Variants in JAK2 observed in about 807,000 individuals in gnomAD.
JAK2 encodes the protein tyrosine-protein kinase JAK2.
A neutral mutation model predicts 139.3 loss-of-function variants in JAK2; 86 were observed. The observed-to-expected ratio is 0.62, with a 90% CI of 0.52 to 0.74. The LOEUF (loss-of-function observed/expected upper bound fraction) is 0.74, where lower values mean the gene tolerates loss of function less well. Among genes scored for constraint, JAK2 ranks in the 30% least tolerant of loss-of-function variants. The pLI, the probability that JAK2 is intolerant of heterozygous loss-of-function variation, is 0.00. For synonymous variants in JAK2, 490 were observed against 437.7 expected (o/e 1.12, Z -1.49); for missense variants, 1,421 against 1,360.3 (o/e 1.04, Z -0.70).
At chr9:5,047,320 G>C (rs1256050869) in intron 5 of JAK2, among the ~76,000 whole-genome samples, 1 of 152,126 alleles carries the variant, frequency 6.6e-6, no homozygotes, top group African/African-American at 2.4e-5. Flanking sequence ...TGTCTTTAAA[G>C]TTCTTAAGAC....
At chr9:5,012,088 A>G (rs779102220) in intron 2 of JAK2, among the ~76,000 whole-genome samples, 2 of 152,090 alleles carry the variant, frequency 1.3e-5, no homozygotes, top group Non-Finnish European at 1.5e-5. Flanking sequence ...ACTGACTCCC[A>G]TTTTCCTGAG....
At chr9:5,114,648 C>T (rs1822978831) in intron 22 of JAK2, 2 of 463,656 alleles carry the variant, frequency 4.3e-6, no homozygotes, top group Middle Eastern at 1.3e-3. Context: ...CATGACGCAG[C>T]CCCGCAAAAC....
intron 2 of JAK2, among the ~76,000 whole-genome samples, chr9:4,991,891 G>A (rs931479626): frequency 6.6e-6 from 1 of 151,874 alleles, no homozygotes; most frequent in Non-Finnish European, 1.5e-5. Context: ...TCTTTTTCTT[G>A]CCTTCTCAAT....
Position 5,054,042 on chromosome 9 carries a change from GATCAC to G in JAK2, c.615-519_615-515del. On this transcript the variant is annotated intron_variant, in intron 6 of 24. Transcript: ENST00000381652. This position sits in a 1 kb window ranked among gnomAD's most constrained non-coding sequence, Gnocchi z 4.9. ...GAATATTTCTAAATGGAATTGTTTT[GATCAC>G]AAAGGAATTATTAGGAGTTGAAGCT... Among the ~76,000 whole-genome samples the G allele has an allele frequency of 1.3e-5, 2 of 152,076 alleles. No homozygotes were observed. The highest frequency in any genetic ancestry group is 4.1e-4 in the South Asian group (2 of 4,826).
At chr9:5,072,749 T>C in intron 13 of JAK2, 123 bp downstream of exon 13, 2 of 580,042 alleles carry the variant, frequency 3.4e-6, no homozygotes, top group Non-Finnish European at 5.4e-6. Flanking sequence ...GTCAAGGACT[T>C]TTCTGAGGAT....
intron 22 of JAK2, 130 bp downstream of exon 22, chr9:5,091,041 T>A (rs982040894): frequency 7.1e-6 from 5 of 707,004 alleles, no homozygotes; most frequent in Non-Finnish European, 1.1e-5. Flanking sequence ...AGTCTTACAT[T>A]TAACTTTTTT....
chr9:5,082,738 G>C (rs958918171), intron 19 of JAK2, among the ~76,000 whole-genome samples: 1 of 152,224 alleles, frequency 6.6e-6, no homozygotes, highest in Non-Finnish European at 1.5e-5. Flanking sequence ...GGTTTATTGA[G>C]ACTGGAGAAT....
intron 4 of JAK2, among the ~76,000 whole-genome samples, chr9:5,036,670 T>C (rs1425047662): frequency 1.3e-5 from 2 of 152,204 alleles, no homozygotes; most frequent in African/African-American, 4.8e-5. Context: ...TGTAGAAAGC[T>C]GAAACTGGAT....
Position 4,989,328 on chromosome 9 carries a change from T to C in JAK2, c.-26+3306T>C, listed in dbSNP as rs139541991. On this transcript the variant is annotated intron_variant, in intron 2 of 24. Coordinates refer to ENST00000381652, the MANE Select transcript of JAK2 (RefSeq NM_004972.4). Reference sequence around the variant, plus strand: ...CTCTATTTCTGTAGCTCTTTAGTCTTAGAACATTTTCACATGGTTTAATTA... The same window carrying C: ...CTCTATTTCTGTAGCTCTTTAGTCTCAGAACATTTTCACATGGTTTAATTA... Among the ~76,000 whole-genome samples, 491 of 152,326 alleles carry C rather than the reference T, an allele frequency of 3.2e-3. 1 individual carries two copies. The highest frequency in any genetic ancestry group is 0.011 in the African/African-American group (469 of 41,576).
At chr9:5,030,589 G>T (rs924715010) in intron 4 of JAK2, among the ~76,000 whole-genome samples, 2 of 151,990 alleles carry the variant, frequency 1.3e-5, no homozygotes, top group Non-Finnish European at 2.9e-5. Context: ...TTTATTCATG[G>T]TCACACAGGT....
intron 19 of JAK2, among the ~76,000 whole-genome samples, chr9:5,088,475 C>G (rs1820301638): frequency 6.6e-6 from 1 of 152,032 alleles, no homozygotes. Flanking sequence ...AATGTTATAG[C>G]AACTTACCAA....
rs1586728986 is a variant in JAK2, at chr9:5,065,014, A to G, written c.1188A>G (p.Ile396Met). 1 of 1,602,718 alleles carries G rather than the reference A, an allele frequency of 6.2e-7. No homozygotes were observed. The highest frequency in any genetic ancestry group is 8.5e-7 in the Non-Finnish European group (1 of 1,174,964). ...EVAPPAVLEN[I>M]QSNCHGPISM... ...CACCTCCAGCCGTGCTTGAAAATAT[A>G]CAAAGCAACTGTCATGGCCCAATTT... Residue 396 changes from isoleucine to methionine, a missense_variant, in exon 9 of 25, where the codon ATA becomes ATG. By Grantham distance (10) the Ile-to-Met change is conservative (BLOSUM62 1). Transcript: ENST00000381652.
chr9:5,118,634 T>C (rs1412090381), intron 22 of JAK2, among the ~76,000 whole-genome samples: 4 of 152,250 alleles, frequency 2.6e-5, no homozygotes, highest in Admixed American at 2.6e-4. Context: ...GCATAAATTC[T>C]GTGTTCATTT....
At chr9:5,011,687 A>G (rs191943584) in intron 2 of JAK2, among the ~76,000 whole-genome samples, 34 of 152,238 alleles carry the variant, frequency 2.2e-4, no homozygotes, top group Admixed American at 2.0e-3. Flanking sequence ...TCAGCTGACT[A>G]TTGTACATTG....
intron 19 of JAK2, among the ~76,000 whole-genome samples, chr9:5,087,304 CA>C (rs756622775): frequency 8.5e-5 from 13 of 152,168 alleles, no homozygotes; most frequent in Non-Finnish European, 1.9e-4. Flanking sequence ...GGAGAAATGC[CA>C]GATGCTTACA....
chr9:5,004,748 A>C (rs1213041484), intron 2 of JAK2, among the ~76,000 whole-genome samples: 1 of 151,964 alleles, frequency 6.6e-6, no homozygotes, highest in African/African-American at 2.4e-5. Context: ...TCCCACCAAG[A>C]GTATACAAGA....
chr9:5,054,757 T>A lies in JAK2; in HGVS notation c.809T>A (p.Phe270Tyr), dbSNP rs2130410176. ...TLQSAFYTEK[F>Y]EVKEPGSGPS... Reference sequence around the variant, plus strand: ...CAGTCTGCCTTCTACACAGAGAAATTTGAAGTAAAAGAACCTGGAAGTGGT... The same window carrying A: ...CAGTCTGCCTTCTACACAGAGAAATATGAAGTAAAAGAACCTGGAAGTGGT... The change falls in exon 7 of 25, where the codon TTT (phenylalanine) becomes TAT (tyrosine). Residue 270 changes from phenylalanine to tyrosine, a missense_variant. By Grantham distance (22) the Phe-to-Tyr change is conservative (BLOSUM62 3). Coordinates refer to ENST00000381652, the MANE Select transcript of JAK2 (RefSeq NM_004972.4). The surrounding 1 kb of genome is among the most constrained non-coding windows in gnomAD (Gnocchi z 4.9). 1 of 1,613,258 alleles carries A rather than the reference T, an allele frequency of 6.2e-7. No homozygotes were observed. Among genetic ancestry groups the A allele is most frequent in the Non-Finnish European group, 8.5e-7 (1 of 1,179,416 alleles).
intron 22 of JAK2, among the ~76,000 whole-genome samples, chr9:5,120,388 T>G (rs1823524962): frequency 6.6e-6 from 1 of 152,256 alleles, no homozygotes; most frequent in African/African-American, 2.4e-5. Flanking sequence ...CTGAAAGAAC[T>G]CAATTTTTAT....
At chr9:5,089,580 T>TCCAGCTA in intron 19 of JAK2, 94 bp from the exon 20 acceptor site, 1 of 328,420 alleles carries the variant, frequency 3.0e-6, no homozygotes, top group Non-Finnish European at 5.4e-6. Flanking sequence ...GTCTGCTAAT[T>TCCAGCTA]CCAGCTACTA....
Sources: gnomAD v4.1 joint callset for allele counts (sites outside exome capture counted in the v4.1 genomes callset) on GRCh38, gnomAD v4.1.1 for gene constraint, Gnocchi (gnomAD v3.1) non-coding constraint, MANE v1.5 for transcripts, NCBI Gene and HGNC (gene_info 2026-07-23, HGNC 2026-07-21) for gene names.